HAUS3: variants seen among roughly 807,000 people sequenced by gnomAD.
HAUS3 encodes the protein HAUS augmin-like complex subunit 3.
In HAUS3, 36 loss-of-function variants were observed where a neutral mutation model predicts 55.2. The ratio of observed to expected loss-of-function variants is 0.65; its 90% CI spans 0.50 to 0.86. The LOEUF is 0.86. Among genes scored for constraint, HAUS3 ranks in the 40% least tolerant of loss-of-function variants. HAUS3 has a pLI of 0.00. For missense variants in HAUS3, 752 were observed against 671.5 expected (o/e 1.12, Z -1.33); for synonymous variants, 234 against 238.6 (o/e 0.98, Z 0.18).
rs1019564785 is a variant in HAUS3 at position 2,239,432 on chromosome 4, T to C, written c.910-389A>G. 3.9e-5 allele frequency among the ~76,000 whole-genome samples: 6 copies of C among 152,246 alleles called. No homozygotes were observed. The East Asian group carries it at 9.6e-4, about 24-fold the overall frequency. ...TGATTTTAGCACTTCTACGTAATTA[T>C]TGGATTTCCTATATCATTCAAATGT... On this transcript the variant is annotated intron_variant, in intron 3 of 5. Transcript: ENST00000443786.
chr4:2,236,615 T>G (rs904420581), intron 4 of HAUS3, among the ~76,000 whole-genome samples, 159 bp from the exon 5 acceptor site: 3 of 152,022 alleles, frequency 2.0e-5, no homozygotes, highest in African/African-American at 7.2e-5. Flanking sequence ...TCCTAGCACT[T>G]TGGGAGGCCA....
chr4:2,240,459 CTGATCTTAG>C lies in HAUS3; in HGVS notation c.479_487del (p.Thr160_Ile162del). ...ATCAGTAAGAGCCTGAAGTTCATTA[CTGATCTTAG>C]TGATCATTGCATTTAGAATTCCTTG... On this transcript the variant is annotated inframe_deletion, in exon 3 of 6. Coordinates refer to ENST00000443786, the MANE Select transcript of HAUS3 (RefSeq NM_001303143.2). 6.2e-7 allele frequency: 1 copy of C among 1,613,870 alleles called. No individual in the cohort carries two copies. Among genetic ancestry groups the C allele is most frequent in the Non-Finnish European group, 8.5e-7 (1 of 1,179,908 alleles).
chr4:2,239,376 A>C (rs1734889469), intron 3 of HAUS3, among the ~76,000 whole-genome samples: 1 of 152,180 alleles, frequency 6.6e-6, no homozygotes, highest in Non-Finnish European at 1.5e-5. Context: ...TCTTAAGTTA[A>C]AATTACTTCA....
In HAUS3 at chr4:2,231,929, A is replaced by T; in HGVS notation, c.1810T>A (p.Ter604ArgextTer21). ...AAAGATTCAGTTTTCAGTAATTTTC[A>T]ATCTTCAAGACTAACAGCCTTAATC... ...SKIKAVSLED[*>R] is the part of the protein sequence containing the mutation. The change falls in exon 6 of 6, where the codon TGA (stop) becomes AGA (arginine). Residue 604 changes from the stop codon to arginine, a stop_lost. Coordinates refer to ENST00000443786, the MANE Select transcript of HAUS3 (RefSeq NM_001303143.2). 1.6e-6 allele frequency: 2 copies of T among 1,260,728 alleles called. No homozygotes were observed. Among genetic ancestry groups the T allele is most frequent in the Non-Finnish European group, 2.3e-6 (2 of 887,764 alleles). The allele number at this position is 1,260,728 out of a possible 1,614,324, so 78.1% of individuals were successfully genotyped here. A position where few individuals can be genotyped will look rare whatever the true frequency, so the allele number is the denominator to read the frequency against.
intron 5 of HAUS3, among the ~76,000 whole-genome samples, chr4:2,235,244 T>G (rs943307153): frequency 1.3e-5 from 2 of 152,236 alleles, no homozygotes; most frequent in Admixed American, 1.3e-4. Context: ...ACCATCGCAG[T>G]GGAAATTTTT....
Position 2,231,785 on chromosome 4 carries a change from A to T in HAUS3, c.*142T>A. The T allele has an allele frequency of 1.8e-6, 1 of 558,904 alleles. No homozygotes were observed. The highest frequency in any genetic ancestry group is 3.2e-6 in the Non-Finnish European group (1 of 315,236). The allele number at this position is 558,904 out of a possible 1,614,324, so 34.6% of individuals were successfully genotyped here. A position where few individuals can be genotyped will look rare whatever the true frequency, so the allele number is the denominator to read the frequency against. ...TTCTGAATGTACTACATGAGAAAAA[A>T]GACAAATTAATATAATAGTTCAATT... On this transcript the variant is annotated 3_prime_UTR_variant, in exon 6 of 6. Coordinates refer to ENST00000443786, the MANE Select transcript of HAUS3 (RefSeq NM_001303143.2).
intron 5 of HAUS3, 101 bp from the exon 6 acceptor site, chr4:2,232,261 T>C (rs1734609132): frequency 1.8e-6 from 1 of 544,158 alleles, no homozygotes. Flanking sequence ...AAGGACTTAA[T>C]AACTTCCCGC....
rs1734593401 is a variant in HAUS3 at position 2,231,938 on chromosome 4, GACTA to G, written c.1797_1800del (p.Ser600LeufsTer7). 1 of 1,331,574 alleles carries G rather than the reference GACTA, an allele frequency of 7.5e-7. No individual in the cohort carries two copies. The highest frequency in any genetic ancestry group is 1.3e-5 in the South Asian group (1 of 76,918). The allele number at this position is 1,331,574 out of a possible 1,614,324, so 82.5% of individuals were successfully genotyped here. On this transcript the variant is annotated frameshift_variant, in exon 6 of 6. Transcript: ENST00000443786. LOFTEE classifies it high-confidence loss of function. Reference sequence around the variant, plus strand: ...GTTTTCAGTAATTTTCAATCTTCAAGACTAACAGCCTTAATCTTTGATTGAGTTT... The same window carrying G: ...GTTTTCAGTAATTTTCAATCTTCAAGACAGCCTTAATCTTTGATTGAGTTT...
rs1479772989 is a variant in HAUS3, at chr4:2,240,023, A to G, written c.909+15T>C. On this transcript the variant is annotated intron_variant, in intron 3 of 5. Coordinates refer to ENST00000443786, the MANE Select transcript of HAUS3 (RefSeq NM_001303143.2). ...ATAATTACAATGTGAATCCAATCTC[A>G]TTTCTTATGCTTACCTTGCTGGTTA... 3 of 1,598,032 alleles carry G rather than the reference A, an allele frequency of 1.9e-6. No individual in the cohort carries two copies. Among genetic ancestry groups the G allele is most frequent in the Non-Finnish European group, 2.6e-6 (3 of 1,168,640 alleles).
Position 2,228,901 on chromosome 4 carries a change from G to C in HAUS3, c.*3026C>G, listed in dbSNP as rs1560101212. The C allele has an allele frequency of 4.4e-6, 2 of 449,648 alleles. No homozygotes were observed. Among genetic ancestry groups the C allele is most frequent in the South Asian group, 8.5e-5 (2 of 23,454 alleles). The allele number at this position is 449,648 out of a possible 1,614,324, so 27.9% of individuals were successfully genotyped here. On this transcript the variant is annotated 3_prime_UTR_variant, in exon 6 of 6. Coordinates refer to ENST00000443786, the MANE Select transcript of HAUS3 (RefSeq NM_001303143.2). ...AGAAATACCTGGAATAAGGAAGAGAGTGTTACATTTTTAAAGCAATGAAGG... is the reference window on the plus strand; with the variant it reads ...AGAAATACCTGGAATAAGGAAGAGACTGTTACATTTTTAAAGCAATGAAGG...
chr4:2,231,930 A>T lies in HAUS3; in HGVS notation c.1809T>A (p.Asp603Glu). Residue 603 changes from aspartate (D) to glutamate (E), a missense_variant, in exon 6 of 6, where the codon GAT becomes GAA. Asp to Glu is a conservative substitution (Grantham distance 45). Coordinates refer to ENST00000443786, the MANE Select transcript of HAUS3 (RefSeq NM_001303143.2). ...AAGATTCAGTTTTCAGTAATTTTCA[A>T]TCTTCAAGACTAACAGCCTTAATCT... ...QSKIKAVSLE[D>E] 7.9e-7 allele frequency: 1 copy of T among 1,267,598 alleles called. No individual in the cohort carries two copies. Among genetic ancestry groups the T allele is most frequent in the Non-Finnish European group, 1.1e-6 (1 of 893,672 alleles). 78.5% of individuals were successfully genotyped at this position (1,267,598 alleles called of 1,614,324 possible). A position where few individuals can be genotyped will look rare whatever the true frequency, so the allele number is the denominator to read the frequency against.
At chr4:2,239,893 C>A in intron 3 of HAUS3, 145 bp downstream of exon 3, 1 of 653,456 alleles carries the variant, frequency 1.5e-6, no homozygotes, top group Non-Finnish European at 2.6e-6. Context: ...AACATTGACA[C>A]AGATCACAAA....
rs574032047 is a variant in HAUS3 at position 2,233,156 on chromosome 4, G to A, written c.1579-996C>T. Among the ~76,000 whole-genome samples the A allele has an allele frequency of 1.7e-4, 26 of 152,160 alleles. No individual in the cohort carries two copies. In the East Asian group the frequency reaches 1.9e-3, roughly 11 times the overall value. On this transcript the variant is annotated intron_variant, in intron 5 of 5. Coordinates refer to ENST00000443786, the MANE Select transcript of HAUS3 (RefSeq NM_001303143.2). ...ATACTTTTGAAAATCAAGTAATTTC[G>A]ACATTATATCTACATTTAGTGATAT...
In HAUS3 at chr4:2,240,722, C is replaced by T. The variant is rs754340926; in HGVS notation, c.225G>A (p.Ala75=). The change falls in exon 3 of 6, where the codon GCG becomes GCA. Residue 75 remains alanine (A), a synonymous_variant. Coordinates refer to ENST00000443786, the MANE Select transcript of HAUS3 (RefSeq NM_001303143.2). The part of the protein sequence containing the change: ...QKSGKPILEG[A]ALDEALKTCK... ...ACGTTTTAAGAGCTTCATCCAATGCCGCCCCTTCTAGAATAGGCTTGCCTG... is the reference window on the plus strand; with the variant it reads ...ACGTTTTAAGAGCTTCATCCAATGCTGCCCCTTCTAGAATAGGCTTGCCTG... 2.5e-6 allele frequency: 4 copies of T among 1,614,018 alleles called. No individual in the cohort carries two copies. Among genetic ancestry groups the T allele is most frequent in the Admixed American group, 3.3e-5 (2 of 60,006 alleles).
Position 2,240,697 on chromosome 4 carries a change from A to G in HAUS3, c.250T>C (p.Cys84Arg). 6.2e-7 allele frequency: 1 copy of G among 1,614,008 alleles called. No homozygotes were observed. Among genetic ancestry groups the G allele is most frequent in the Non-Finnish European group, 8.5e-7 (1 of 1,179,988 alleles). Residue 84 changes from cysteine (C) to arginine (R), a missense_variant, in exon 3 of 6, where the codon TGT becomes CGT. Physicochemically the swap from Cys to Arg is radical, Grantham distance 180. Transcript: ENST00000443786. ...GGTGTCTTCAAATCAGAAGTTTTAC[A>G]CGTTTTAAGAGCTTCATCCAATGCC... is the stretch of plus-strand genomic sequence containing the variant. ...GAALDEALKT[C>R]KTSDLKTPRL... is the part of the protein sequence containing the mutation.
At chr4:2,235,678 A>G (rs1362157608) in intron 5 of HAUS3, among the ~76,000 whole-genome samples, 2 of 152,236 alleles carry the variant, frequency 1.3e-5, no homozygotes, top group Admixed American at 6.5e-5. Flanking sequence ...TGCCTTTGGT[A>G]TACCACCACC....
chr4:2,242,027 A>C, intron 1 of HAUS3, 24 bp downstream of exon 1: 1 of 985,554 alleles, frequency 1.0e-6, no homozygotes, highest in African/African-American at 1.7e-5. Context: ...CCCTGCGCCC[A>C]GAACCGAGGC....
chr4:2,241,143 T>C, intron 2 of HAUS3, 50 bp from the exon 3 acceptor site: 1 of 502,122 alleles, frequency 2.0e-6, no homozygotes, highest in African/African-American at 2.0e-5. Flanking sequence ...CGACAGTGTT[T>C]TTAAAAAGAA....
rs1169233155 is a variant in HAUS3 at position 2,230,507 on chromosome 4, T to C, written c.*1420A>G. 1 of 152,156 alleles carries C rather than the reference T, an allele frequency of 6.6e-6. No homozygotes were observed. The highest frequency in any genetic ancestry group is 1.5e-5 in the Non-Finnish European group (1 of 68,032). 9.4% of individuals were successfully genotyped at this position (152,156 alleles called of 1,614,324 possible). ...AGTTGCTCAGGTGATAGGGAGCTGA[T>C]AGCAAAATCTTAAACAAAATTTACT... On this transcript the variant is annotated 3_prime_UTR_variant, in exon 6 of 6. Transcript: ENST00000443786.
Sources: gnomAD v4.1 joint callset for allele counts (sites outside exome capture counted in the v4.1 genomes callset) on GRCh38, gnomAD v4.1.1 for gene constraint, MANE v1.5 for transcripts, NCBI Gene and HGNC (gene_info 2026-07-23, HGNC 2026-07-21) for gene names.